Variants in DOCK4 observed in about 807,000 individuals in gnomAD.
The protein encoded by DOCK4 is dedicator of cytokinesis protein 4.
A neutral mutation model predicts 268.1 loss-of-function variants in DOCK4; 97 were observed. That is an observed-to-expected ratio of 0.36 (90% confidence interval 0.31 to 0.43). The LOEUF (loss-of-function observed/expected upper bound fraction) is 0.43, where lower values mean the gene tolerates loss of function less well. Among genes scored for constraint, DOCK4 ranks in the 20% least tolerant of loss-of-function variants. The pLI is 1.00. For synonymous variants in DOCK4, 954 were observed against 887.2 expected, an observed-to-expected ratio of 1.08 and a Z score of -1.34; for missense variants, 2,145 against 2,455.7, an observed-to-expected ratio of 0.87 and a Z score of 2.67.
intron 18 of DOCK4, 27 bp from the exon 19 acceptor site, chr7:111,872,379 G>A: frequency 2.0e-6 from 3 of 1,527,170 alleles, no homozygotes; most frequent in Non-Finnish European, 2.7e-6. Flanking sequence ...TAGCAAATGA[G>A]TAAATAAGAT....
At chr7:111,896,911 T>C (rs189776484) in intron 15 of DOCK4, among the ~76,000 whole-genome samples, 27 of 152,204 alleles carry the variant, frequency 1.8e-4, no homozygotes, top group African/African-American at 6.5e-4. Context: ...ATAGAGAAAC[T>C]GGAAAAATAA....
At chr7:111,916,771 TTA>T (rs1188656712) in intron 12 of DOCK4, among the ~76,000 whole-genome samples, 1 of 152,098 alleles carries the variant, frequency 6.6e-6, no homozygotes, top group Non-Finnish European at 1.5e-5. Flanking sequence ...GTTTATCTTC[TTA>T]TGTTTTAATT....
chr7:112,206,369 G>C lies in DOCK4; in HGVS notation c.-231C>G. On this transcript the variant is annotated 5_prime_UTR_variant, in exon 1 of 53. Coordinates refer to ENST00000428084, the MANE Select transcript of DOCK4 (RefSeq NM_001363540.2). ...TCACAGTCCTCCGACGCGCTCCCGG[G>C]TACCCGGCGGCGCAGTCATTGTTCT... 3.4e-6 allele frequency: 2 copies of C among 585,260 alleles called. No homozygotes were observed. The highest frequency in any genetic ancestry group is 6.0e-6 in the Non-Finnish European group (2 of 332,648). 36.3% of individuals were successfully genotyped at this position (585,260 alleles called of 1,614,324 possible).
In DOCK4 at chr7:111,828,859, A is replaced by G. The variant is rs140472729; in HGVS notation, c.2835+5729T>C. ...AGTATACATCAATATAAATAATTAT[A>G]TTAACACTAAAAATGTGTGTGTGTG... On this transcript the variant is annotated intron_variant, in intron 26 of 52. Coordinates refer to ENST00000428084, the MANE Select transcript of DOCK4 (RefSeq NM_001363540.2). Among the ~76,000 whole-genome samples the G allele has an allele frequency of 3.5e-3, 521 of 148,304 alleles. 4 individuals are homozygous for G. Among genetic ancestry groups the G allele is most frequent in the African/African-American group, 0.013 (507 of 39,386 alleles).
intron 1 of DOCK4, among the ~76,000 whole-genome samples, chr7:112,188,852 A>T (rs1563170282): frequency 6.6e-6 from 1 of 152,222 alleles, no homozygotes; most frequent in Non-Finnish European, 1.5e-5. Flanking sequence ...ATTTTATCCT[A>T]CTAAACTTAT....
At chr7:112,178,501 T>A (rs1418682632) in intron 1 of DOCK4, among the ~76,000 whole-genome samples, 2 of 152,084 alleles carry the variant, frequency 1.3e-5, no homozygotes, top group Non-Finnish European at 2.9e-5. Context: ...CGGCTTCCCA[T>A]CCCTACAACC....
In DOCK4 at chr7:111,926,707, A is replaced by G. The variant is rs1253525695; in HGVS notation, c.1066+8833T>C. On this transcript the variant is annotated intron_variant, in intron 12 of 52. Coordinates refer to ENST00000428084, the MANE Select transcript of DOCK4 (RefSeq NM_001363540.2). The stretch of plus-strand genomic sequence containing the variant: ...AATAAGCCAAGCGTGGTGGTGTGCC[A>G]CCTGTAGTTCCAGCTATTCAGGAGG... Among the ~76,000 whole-genome samples the G allele has an allele frequency of 1.0e-3, 152 of 145,112 alleles. 1 individual carries two copies. Among genetic ancestry groups the G allele is most frequent in the East Asian group, 3.3e-3 (15 of 4,576 alleles).
chr7:111,890,251 C>A (rs890584443), intron 16 of DOCK4, among the ~76,000 whole-genome samples: 18 of 151,498 alleles, frequency 1.2e-4, no homozygotes, highest in Non-Finnish European at 8.9e-5. Context: ...TTTCTTAATT[C>A]TTTTTTCTTA....
chr7:112,001,997 T>C (rs1050740252), intron 2 of DOCK4, among the ~76,000 whole-genome samples: 3 of 152,198 alleles, frequency 2.0e-5, no homozygotes, highest in Non-Finnish European at 2.9e-5. Flanking sequence ...ATTTTGCTCA[T>C]TGGCAAAAAA....
intron 6 of DOCK4, among the ~76,000 whole-genome samples, chr7:111,984,634 T>C (rs1798907728): frequency 6.6e-6 from 1 of 152,148 alleles, no homozygotes; most frequent in Non-Finnish European, 1.5e-5. Flanking sequence ...GCACTCTCAG[T>C]GGAGTGCTCC....
At chr7:112,204,972 T>A (rs1186164881) in intron 1 of DOCK4, among the ~76,000 whole-genome samples, 1 of 151,884 alleles carries the variant, frequency 6.6e-6, no homozygotes, top group Non-Finnish European at 1.5e-5. Flanking sequence ...AAATCCATAA[T>A]GCTTTCTGTT....
At chr7:111,988,855 C>T (rs1331911554) in intron 6 of DOCK4, among the ~76,000 whole-genome samples, 160 bp downstream of exon 6, 1 of 152,160 alleles carries the variant, frequency 6.6e-6, no homozygotes. Context: ...AAATGGTTCT[C>T]GGCTCTATCA....
chr7:111,818,716 T>C (rs923467075), intron 27 of DOCK4, among the ~76,000 whole-genome samples: 2 of 152,228 alleles, frequency 1.3e-5, no homozygotes, highest in East Asian at 3.8e-4. Flanking sequence ...TCATCTTTAC[T>C]GGTTCCTTCC....
chr7:112,121,368 T>C (rs903754869), intron 1 of DOCK4, among the ~76,000 whole-genome samples: 3 of 152,212 alleles, frequency 2.0e-5, no homozygotes, highest in Non-Finnish European at 2.9e-5. Context: ...CATTCCCCTA[T>C]GTGTTCTGCG....
chr7:111,788,843 A>T, intron 31 of DOCK4, 96 bp from the exon 32 acceptor site: 1 of 1,161,378 alleles, frequency 8.6e-7, no homozygotes. Flanking sequence ...GGAAAAAGCC[A>T]TGGTAAATTT....
rs142149400 is a variant in DOCK4, at chr7:111,841,696, G to A, written c.2736+3067C>T. 2.3e-3 allele frequency among the ~76,000 whole-genome samples: 351 copies of A among 152,268 alleles called. 4 individuals carry two copies. The highest frequency in any genetic ancestry group is 8.1e-3 in the African/African-American group (336 of 41,560). Reference sequence around the variant, plus strand: ...TTCTCACACAGCAAGGGGTACCACAGAGCTATGCAGGAAGGATTCTCTTCA... The same window carrying A: ...TTCTCACACAGCAAGGGGTACCACAAAGCTATGCAGGAAGGATTCTCTTCA... On this transcript the variant is annotated intron_variant, in intron 25 of 52. Transcript: ENST00000428084.
intron 23 of DOCK4, among the ~76,000 whole-genome samples, chr7:111,853,386 G>C (rs1804740926): frequency 6.6e-6 from 1 of 152,206 alleles, no homozygotes; most frequent in African/African-American, 2.4e-5. Flanking sequence ...GAGGCAGAAG[G>C]ACATGTGGCA....
At chr7:112,032,764 G>A (rs1803391617) in intron 1 of DOCK4, among the ~76,000 whole-genome samples, 2 of 152,178 alleles carry the variant, frequency 1.3e-5, no homozygotes, top group Admixed American at 6.5e-5. Context: ...AAGGTGGAGG[G>A]ATAGGAAAGA....
At chr7:111,741,809 C>A in intron 45 of DOCK4, 148 bp from the exon 46 acceptor site, 1 of 1,298,176 alleles carries the variant, frequency 7.7e-7, no homozygotes, top group Non-Finnish European at 1.0e-6. Flanking sequence ...TATTATTTGG[C>A]TTTCCCTCAC....
Sources: gnomAD v4.1 joint callset for allele counts (sites outside exome capture counted in the v4.1 genomes callset) on GRCh38, gnomAD v4.1.1 for gene constraint, MANE v1.5 for transcripts, NCBI Gene and HGNC (gene_info 2026-07-23, HGNC 2026-07-21) for gene names.